SH2B1: variants seen among roughly 807,000 people sequenced by gnomAD.
The protein encoded by SH2B1 is SH2B adaptor protein 1, also known as SH2B adapter protein 1.
Under a neutral mutation model 62.6 loss-of-function variants are expected in SH2B1, and 15 were observed. The ratio of observed to expected loss-of-function variants is 0.24; its 90% confidence interval spans 0.16 to 0.37. SH2B1 has a LOEUF of 0.37. Among genes scored for constraint, SH2B1 ranks in the 10% least tolerant of loss-of-function variants. The pLI is 1.00. For synonymous variants in SH2B1, 443 were observed against 438.0 expected (o/e 1.01, Z -0.14); for missense variants, 925 against 1,015.6 (o/e 0.91, Z 1.21).
intron 1 of SH2B1, among the ~76,000 whole-genome samples, chr16:28,853,522 C>CTTT (rs543507752): frequency 9.4e-5 from 12 of 127,132 alleles, no homozygotes; most frequent in African/African-American, 2.9e-4. Flanking sequence ...CCCACTTTTT[C>CTTT]TTTTTTTTTT....
chr16:28,866,014 G>A lies in SH2B1; in HGVS notation c.-81G>A. Reference sequence around the variant, plus strand: ...GTGCCTCTCTCTTCCTTTCGCAGCTGCTGCCGCCCACCCCTCGTCTTCTGG... The same window carrying A: ...GTGCCTCTCTCTTCCTTTCGCAGCTACTGCCGCCCACCCCTCGTCTTCTGG... On this transcript the variant is annotated 5_prime_UTR_variant, in exon 1 of 8. Coordinates refer to ENST00000684370, the MANE Select transcript of SH2B1 (RefSeq NM_001387430.1). The surrounding 1 kb of genome is among the most constrained non-coding windows in gnomAD (Gnocchi z 6.3). The A allele has an allele frequency of 6.7e-7, 1 of 1,499,942 alleles. No homozygotes were observed. The highest frequency in any genetic ancestry group is 8.8e-7 in the Non-Finnish European group (1 of 1,133,266). The allele number at this position is 1,499,942 out of a possible 1,614,324, so 92.9% of individuals were successfully genotyped here.
intron 1 of SH2B1, among the ~76,000 whole-genome samples, chr16:28,855,651 T>TTTATCTATTTATTTA (rs1197951596): frequency 9.3e-6 from 1 of 107,074 alleles, no homozygotes; most frequent in African/African-American, 3.2e-5. Context: ...TTATTTATTT[T>TTTATCTATTTATTTA]TTTTTTGAGA....
upstream of SH2B1, chr16:28,862,612 CTT>C (rs71140999): frequency 1.3e-3 from 123 of 92,264 alleles, no homozygotes; most frequent in East Asian, 3.5e-3. Context: ...GACCTCAATT[CTT>C]TTTTTTTTTT....
rs200463987 is a variant in SH2B1, at chr16:28,871,864, T to C, written c.1394T>C (p.Met465Thr). Reference protein sequence around the residue: ...ASIAASHFDSMELLPPELPPR... With the variant: ...ASIAASHFDSTELLPPELPPR... ...ATTGCCGCCTCCCATTTTGACTCGA[T>C]GGAACTGCTTCCCCCAGAGTTGCCC... The change falls in exon 5 of 8, where the codon ATG becomes ACG. Residue 465 changes from methionine (M) to threonine (T), a missense_variant. Physicochemically the swap from Met to Thr is moderately conservative, Grantham distance 81 (BLOSUM62 -1). Coordinates refer to ENST00000684370, the MANE Select transcript of SH2B1 (RefSeq NM_001387430.1). 6.8e-5 allele frequency: 109 copies of C among 1,610,184 alleles called. No homozygotes were observed. The East Asian group carries it at 2.1e-3, about 31-fold the overall frequency.
chr16:28,856,937 A>C (rs1469806913), intron 1 of SH2B1, among the ~76,000 whole-genome samples: 1 of 152,086 alleles, frequency 6.6e-6, no homozygotes, highest in Non-Finnish European at 1.5e-5. Context: ...ATGTGATGGG[A>C]GACATCACAA....
intron 2 of SH2B1, among the ~76,000 whole-genome samples, chr16:28,867,802 G>A (rs756035324): frequency 2.0e-5 from 3 of 152,140 alleles, no homozygotes; most frequent in African/African-American, 4.8e-5. Context: ...GGGACTACAG[G>A]CATGTGACAC....
intron 3 of SH2B1, 23 bp from the exon 4 acceptor site, chr16:28,869,185 C>T (rs1307479532): frequency 1.2e-6 from 2 of 1,613,974 alleles, no homozygotes; most frequent in South Asian, 2.2e-5. Context: ...TTCCTCCCAG[C>T]ACCATCTTCC....
chr16:28,852,286 TTAC>T (rs1962126713), intron 1 of SH2B1, among the ~76,000 whole-genome samples: 2 of 88,262 alleles, frequency 2.3e-5, no homozygotes, highest in East Asian at 3.0e-4. Flanking sequence ...ATATATATAT[TTAC>T]ATATATATAT....
chr16:28,853,228 A>AATATATAT (rs55893199), intron 1 of SH2B1, among the ~76,000 whole-genome samples: 6 of 124,574 alleles, frequency 4.8e-5, no homozygotes, highest in African/African-American at 1.7e-4. Flanking sequence ...TGTATATATA[A>AATATATAT]ATATATATAT....
upstream of SH2B1, among the ~76,000 whole-genome samples, chr16:28,859,990 A>C (rs1284091731): frequency 6.6e-6 from 1 of 150,822 alleles, no homozygotes; most frequent in Non-Finnish European, 1.5e-5. Flanking sequence ...TCTCCCCTTC[A>C]TATTAATGCC....
chr16:28,852,785 C>CATATAT lies in SH2B1; in HGVS notation c.-301+5961_-301+5966dup, dbSNP rs1211653870. Among the ~76,000 whole-genome samples the CATATAT allele has an allele frequency of 7.0e-4, 29 of 41,666 alleles. 7 individuals are homozygous for CATATAT. The highest frequency in any genetic ancestry group is 2.5e-3 in the African/African-American group (29 of 11,418). The allele number at this position is 41,666 out of a possible 152,430, so 27.3% of individuals were successfully genotyped here. On this transcript the variant is annotated intron_variant, in intron 1 of 10. Transcript: ENST00000322610. ...ATATATATATTTATATATATATTTA[C>CATATAT]ATATATATTTACATATATATTTACA...
rs187843429 is a variant in SH2B1, at chr16:28,868,362, G to C, written c.1042-644G>C. Among the ~76,000 whole-genome samples, 636 of 148,346 alleles carry C rather than the reference G, an allele frequency of 4.3e-3. 7 individuals carry two copies. The highest frequency in any genetic ancestry group is 0.015 in the African/African-American group (612 of 40,018). On this transcript the variant is annotated intron_variant, in intron 2 of 7. Coordinates refer to ENST00000684370, the MANE Select transcript of SH2B1 (RefSeq NM_001387430.1). ...TCACCAAGTTAGCTAGGATGGTCTC[G>C]ATCTCCTGACCTCGTGATTTGCCCG...
chr16:28,859,222 G>T (rs1438265662), upstream of SH2B1, among the ~76,000 whole-genome samples: 1 of 152,084 alleles, frequency 6.6e-6, no homozygotes, highest in East Asian at 1.9e-4. Flanking sequence ...GGGATTACAG[G>T]TGTGAGCCAC....
chr16:28,853,721 T>C (rs62037363), intron 1 of SH2B1, among the ~76,000 whole-genome samples: 51,400 of 150,556 alleles, frequency 0.34, 9,412 homozygotes, highest in Admixed American at 0.41. Context: ...GCCTCGAAGC[T>C]GGGTGCGGTG....
At position 28,871,898 on chromosome 16, in the gene SH2B1, C is replaced by T. The variant is rs563288232; in HGVS notation, c.1428C>T (p.Ile476=). ...ELLPPELPPR[I]PIEEGPPTGT... is the part of the protein sequence containing the mutation. Reference sequence around the variant, plus strand: ...TTCCCCCAGAGTTGCCCCCCCGCATCCCCATTGAAGAGGGACCCCCAACAG... The same window carrying T: ...TTCCCCCAGAGTTGCCCCCCCGCATTCCCATTGAAGAGGGACCCCCAACAG... The change falls in exon 5 of 8, where the codon ATC becomes ATT. Residue 476 remains isoleucine, a synonymous_variant. Transcript: ENST00000684370. The T allele has an allele frequency of 1.1e-5, 16 of 1,523,262 alleles. No homozygotes were observed. The East Asian group carries it at 3.5e-4, about 33-fold the overall frequency. 94.4% of individuals were successfully genotyped at this position (1,523,262 alleles called of 1,614,324 possible). A position where few individuals can be genotyped will look rare whatever the true frequency, so the allele number is the denominator to read the frequency against.
At position 28,864,552 on chromosome 16, in the gene SH2B1, AG is replaced by A. The variant is rs1962581665; in HGVS notation, c.-1541del. Reference sequence around the variant, plus strand: ...TGAGCTTGTAGGGTCGAGGCCCAGGAGGAAGGGGAGGGTTCACCGACTTACA... The same window carrying A: ...TGAGCTTGTAGGGTCGAGGCCCAGGAGAAGGGGAGGGTTCACCGACTTACA... On this transcript the variant is annotated 5_prime_UTR_variant, in exon 1 of 8. Transcript: ENST00000684370. The A allele has an allele frequency of 2.0e-6, 2 of 985,268 alleles. No homozygotes were observed. The highest frequency in any genetic ancestry group is 3.5e-5 in the African/African-American group (2 of 57,120). 61.0% of individuals were successfully genotyped at this position (985,268 alleles called of 1,614,324 possible). A position where few individuals can be genotyped will look rare whatever the true frequency, so the allele number is the denominator to read the frequency against.
chr16:28,873,280 T>G lies in SH2B1; in HGVS notation c.1898-167T>G. The G allele has an allele frequency of 6.2e-7, 1 of 1,604,478 alleles. No homozygotes were observed. The highest frequency in any genetic ancestry group is 8.5e-7 in the Non-Finnish European group (1 of 1,176,310). ...AGCGAGTGACTGTGTGTAAGTGTGGTCCTCCTCTCACCACCGCCCATGATC... is the reference window on the plus strand; with the variant it reads ...AGCGAGTGACTGTGTGTAAGTGTGGGCCTCCTCTCACCACCGCCCATGATC... On this transcript the variant is annotated intron_variant, in intron 7 of 7. Transcript: ENST00000684370. This position sits in a 1 kb window ranked among gnomAD's most constrained non-coding sequence, Gnocchi z 4.2.
chr16:28,866,479 C>T lies in SH2B1; in HGVS notation c.385C>T (p.Leu129=). ...GGGCCCTTCTCGATCATCTGAGGAC[C>T]TGGCCGGCCCCCTCCCTTCCTCAGT... ...VLGPSRSSED[L]AGPLPSSVSS... is the part of the protein sequence containing the mutation. Residue 129 remains leucine, a synonymous_variant, in exon 1 of 8, where the codon CTG becomes TTG. Transcript: ENST00000684370. This position sits in a 1 kb window ranked among gnomAD's most constrained non-coding sequence, Gnocchi z 6.3. 1.2e-6 allele frequency: 2 copies of T among 1,614,038 alleles called. No individual in the cohort carries two copies. The highest frequency in any genetic ancestry group is 3.3e-5 in the Admixed American group (2 of 60,020).
At chr16:28,859,710 GAA>G (rs1044650977), upstream of SH2B1, among the ~76,000 whole-genome samples, 1 of 141,238 alleles carries the variant, frequency 7.1e-6, no homozygotes, top group Non-Finnish European at 1.5e-5. Context: ...CCTGTATCAG[GAA>G]AAAAAAAAAG....
Sources: allele counts gnomAD v4.1 joint callset (sites outside exome capture counted in the v4.1 genomes callset), GRCh38; gene constraint gnomAD v4.1.1; non-coding constraint Gnocchi (gnomAD v3.1); transcripts MANE v1.5; gene names NCBI Gene and HGNC (gene_info 2026-07-23, HGNC 2026-07-21).